EPHA6: variants seen among roughly 807,000 people sequenced by gnomAD.
The protein encoded by EPHA6 is ephrin type-A receptor 6.
In EPHA6, 50 loss-of-function variants were observed where a neutral mutation model predicts 112.0. The observed-to-expected ratio is 0.45, with a 90% confidence interval of 0.36 to 0.56. EPHA6 has a LOEUF of 0.56. EPHA6 is among the 20% of genes least tolerant of loss of function. EPHA6 has a pLI of 0.00. For synonymous variants in EPHA6, 529 were observed against 490.7 expected, an observed-to-expected ratio of 1.08 and a Z score of -1.03; for missense variants, 1,280 against 1,417.4, an observed-to-expected ratio of 0.90 and a Z score of 1.56.
chr3:97,636,620 T>C (rs972314547), intron 13 of EPHA6, among the ~76,000 whole-genome samples: 1 of 152,124 alleles, frequency 6.6e-6, no homozygotes, highest in Non-Finnish European at 1.5e-5. Flanking sequence ...ATTTGTAGTA[T>C]AAGCTTATTC....
chr3:97,640,306 G>A (rs920417703), intron 14 of EPHA6, among the ~76,000 whole-genome samples: 15 of 152,152 alleles, frequency 9.9e-5, no homozygotes, highest in Non-Finnish European at 1.6e-4. Flanking sequence ...TGGGCCTATC[G>A]ATGAAAATTT....
At chr3:97,387,372 C>A (rs913689857) in intron 5 of EPHA6, among the ~76,000 whole-genome samples, 8 of 149,760 alleles carry the variant, frequency 5.3e-5, no homozygotes, top group African/African-American at 2.0e-4. Flanking sequence ...AGCAGCCAGG[C>A]AACACCTTGA....
chr3:97,412,060 G>A (rs745951884), intron 6 of EPHA6, among the ~76,000 whole-genome samples: 3 of 152,032 alleles, frequency 2.0e-5, no homozygotes, highest in East Asian at 1.9e-4. Context: ...TACTTTTGCC[G>A]TTTGCTCAAA....
In EPHA6 at chr3:97,424,749, T is replaced by A. The variant is rs569525902; in HGVS notation, c.1731+19475T>A. Among the ~76,000 whole-genome samples the A allele has an allele frequency of 2.1e-5, 3 of 144,460 alleles. No individual in the cohort carries two copies. In the South Asian group the frequency reaches 6.5e-4, roughly 31 times the overall value. 94.8% of individuals were successfully genotyped at this position (144,460 alleles called of 152,430 possible). ...TGAACCCAGGAGGCAGAGGTTGCAG[T>A]GAGCCGAGACCACGCCATTGCACTC... On this transcript the variant is annotated intron_variant, in intron 6 of 17. Coordinates refer to ENST00000389672, the MANE Select transcript of EPHA6 (RefSeq NM_001080448.3).
intron 3 of EPHA6, among the ~76,000 whole-genome samples, chr3:97,137,642 C>A (rs1207942324): frequency 6.6e-6 from 1 of 152,008 alleles, no homozygotes; most frequent in Admixed American, 6.6e-5. Flanking sequence ...TTAGCAAAAT[C>A]TTTATAAAAC....
chr3:97,259,825 G>A (rs558318896), intron 5 of EPHA6, among the ~76,000 whole-genome samples: 6 of 148,878 alleles, frequency 4.0e-5, no homozygotes, highest in Admixed American at 1.4e-4. Flanking sequence ...TTTTGAGACA[G>A]GGTCTCCCTC....
Position 96,927,134 on chromosome 3 carries a change from G to A in EPHA6, c.451-60196G>A, listed in dbSNP as rs143033972. On this transcript the variant is annotated intron_variant, in intron 2 of 17. Coordinates refer to ENST00000389672, the MANE Select transcript of EPHA6 (RefSeq NM_001080448.3). ...GTAGGCCTAACACCACATGTAAGCC[G>A]GCAAGGCTTGGGGCTTGCACCCACT... 1.0e-3 allele frequency among the ~76,000 whole-genome samples: 156 copies of A among 152,284 alleles called. 3 individuals are homozygous for A. The highest frequency in any genetic ancestry group is 3.5e-3 in the African/African-American group (147 of 41,574).
In EPHA6 at chr3:97,617,023, A is replaced by G. The variant is rs554472425; in HGVS notation, c.2574+6169A>G. On this transcript the variant is annotated intron_variant, in intron 13 of 17. Coordinates refer to ENST00000389672, the MANE Select transcript of EPHA6 (RefSeq NM_001080448.3). ...AAATACAGGAAAAAATGTTAATGGC[A>G]GTCAGAGAGAAGGGCCAGATCACCT... is the stretch of plus-strand genomic sequence containing the variant. Among the ~76,000 whole-genome samples, 161 of 152,258 alleles carry G rather than the reference A, an allele frequency of 1.1e-3. 1 individual carries two copies. Among genetic ancestry groups the G allele is most frequent in the African/African-American group, 3.6e-3 (149 of 41,564 alleles).
At chr3:97,240,013 T>C (rs929237601) in intron 4 of EPHA6, among the ~76,000 whole-genome samples, 2 of 151,914 alleles carry the variant, frequency 1.3e-5, no homozygotes, top group African/African-American at 4.8e-5. Flanking sequence ...TTTCTGAACC[T>C]CGTTTCTTCA....
intron 10 of EPHA6, among the ~76,000 whole-genome samples, chr3:97,522,362 G>A (rs2092556864): frequency 1.3e-5 from 2 of 152,246 alleles, no homozygotes; most frequent in South Asian, 4.1e-4. Flanking sequence ...ATTGGTTTTG[G>A]TAAGTTGAAC....
chr3:97,302,691 T>C (rs2081144041), intron 5 of EPHA6, among the ~76,000 whole-genome samples: 1 of 151,952 alleles, frequency 6.6e-6, no homozygotes, highest in African/African-American at 2.4e-5. Flanking sequence ...GACAGTTTGA[T>C]CTTTGCCTGG....
chr3:97,167,584 C>T (rs2076572758), intron 3 of EPHA6, among the ~76,000 whole-genome samples: 1 of 151,974 alleles, frequency 6.6e-6, no homozygotes, highest in Non-Finnish European at 1.5e-5. Flanking sequence ...GTTCAAAACC[C>T]TGAGTATTAA....
intron 4 of EPHA6, among the ~76,000 whole-genome samples, chr3:97,228,893 ATT>A (rs1166385344): frequency 2.6e-5 from 4 of 152,030 alleles, no homozygotes; most frequent in Non-Finnish European, 5.9e-5. Flanking sequence ...TGATTGTTTG[ATT>A]TCTTAATTAT....
chr3:97,287,051 A>G (rs1398165634), intron 5 of EPHA6, among the ~76,000 whole-genome samples: 2 of 150,260 alleles, frequency 1.3e-5, no homozygotes, highest in African/African-American at 4.9e-5. Flanking sequence ...CTAGTTCATT[A>G]TTAGTGAATA....
At chr3:97,618,611 C>T (rs1018314553) in intron 13 of EPHA6, among the ~76,000 whole-genome samples, 36 of 152,058 alleles carry the variant, frequency 2.4e-4, no homozygotes, top group South Asian at 8.3e-4. Context: ...ATACAAGCAA[C>T]GATCAGAGAA....
chr3:97,441,772 A>G (rs952953685), intron 6 of EPHA6, among the ~76,000 whole-genome samples: 3 of 152,092 alleles, frequency 2.0e-5, no homozygotes, highest in Admixed American at 6.6e-5. Context: ...CAGGAAAACC[A>G]CTGATAATTG....
chr3:96,877,253 G>A (rs182701824), intron 2 of EPHA6, among the ~76,000 whole-genome samples: 1 of 152,158 alleles, frequency 6.6e-6, no homozygotes, highest in Non-Finnish European at 1.5e-5. Context: ...TTAAGTACAG[G>A]TAGAAAGTGT....
chr3:97,687,698 T>C (rs538550935), intron 14 of EPHA6, among the ~76,000 whole-genome samples: 3 of 152,350 alleles, frequency 2.0e-5, no homozygotes, highest in African/African-American at 4.8e-5. Flanking sequence ...GCTATTGGTG[T>C]GATAATGCTG....
chr3:97,609,184 T>A (rs951093107), intron 12 of EPHA6, among the ~76,000 whole-genome samples: 8 of 151,338 alleles, frequency 5.3e-5, no homozygotes, highest in Non-Finnish European at 7.4e-5. Flanking sequence ...CATCAGGCAG[T>A]CATTGTAATA....
Sources: allele counts gnomAD v4.1 joint callset (sites outside exome capture counted in the v4.1 genomes callset), GRCh38; gene constraint gnomAD v4.1.1; transcripts MANE v1.5; gene names NCBI Gene and HGNC (gene_info 2026-07-23, HGNC 2026-07-21).